The following FIG4 variants were observed in gnomAD, a reference collection of about 807,000 sequenced individuals.
The protein encoded by FIG4 is FIG4 phosphoinositide 5-phosphatase, also known as polyphosphoinositide phosphatase.
Under a neutral mutation model 118.6 loss-of-function variants are expected in FIG4, and 112 were observed. The ratio of observed to expected loss-of-function variants is 0.94; its 90% CI spans 0.81 to 1.11. The LOEUF (loss-of-function observed/expected upper bound fraction) is 1.11, where lower values mean the gene tolerates loss of function less well. FIG4 is among the 50% of genes least tolerant of loss of function. FIG4 has a pLI of 0.00. For missense variants in FIG4, 969 were observed against 1,111.7 expected (o/e 0.87, Z 1.83); for synonymous variants, 369 against 381.2 (o/e 0.97, Z 0.37).
At chr6:109,743,084 A>AT in intron 8 of FIG4, 26 bp from the exon 9 acceptor site, 1 of 1,594,580 alleles carries the variant, frequency 6.3e-7, no homozygotes, top group Non-Finnish European at 8.6e-7. Flanking sequence ...AACATAAAAT[A>AT]TTTTTCAATG....
intron 22 of FIG4, among the ~76,000 whole-genome samples, chr6:109,805,788 G>T (rs1778549007): frequency 6.6e-6 from 1 of 151,766 alleles, no homozygotes; most frequent in Non-Finnish European, 1.5e-5. Flanking sequence ...AAATGTATTA[G>T]TTTTTTTTAC....
At chr6:109,785,547 G>A (rs1392631651) in intron 17 of FIG4, 1 of 360,066 alleles carries the variant, frequency 2.8e-6, no homozygotes, top group East Asian at 7.5e-5. Context: ...AAACCTTCAA[G>A]TGTATAATAC....
chr6:109,803,422 C>T (rs563172284), intron 22 of FIG4, among the ~76,000 whole-genome samples: 3 of 152,222 alleles, frequency 2.0e-5, no homozygotes, highest in South Asian at 4.2e-4. Flanking sequence ...GCTTGGTTGA[C>T]CAGCTATAGT....
chr6:109,738,253 T>C, intron 6 of FIG4, 72 bp from the exon 7 acceptor site: 1 of 1,325,854 alleles, frequency 7.5e-7, no homozygotes, highest in Non-Finnish European at 1.1e-6. Flanking sequence ...ATCTTTCTGA[T>C]ACCAACCTTT....
At chr6:109,817,294 A>G (rs1778887321) in intron 22 of FIG4, among the ~76,000 whole-genome samples, 1 of 152,210 alleles carries the variant, frequency 6.6e-6, no homozygotes, top group Admixed American at 6.5e-5. Flanking sequence ...GTTAGAGCCT[A>G]CAAACAATGC....
At chr6:109,760,009 A>T (rs533632404) in intron 10 of FIG4, among the ~76,000 whole-genome samples, 5 of 152,248 alleles carry the variant, frequency 3.3e-5, no homozygotes, top group South Asian at 4.1e-4. Context: ...GTGCAGGGAG[A>T]GTACCAGGAA....
chr6:109,795,479 TA>T (rs1163222961), intron 21 of FIG4, among the ~76,000 whole-genome samples: 1 of 151,794 alleles, frequency 6.6e-6, no homozygotes. Flanking sequence ...TCTTGACCTT[TA>T]AAAAAGCTAA....
At chr6:109,696,293 T>A (rs1394880846) in intron 1 of FIG4, among the ~76,000 whole-genome samples, 2 of 152,232 alleles carry the variant, frequency 1.3e-5, no homozygotes, top group Admixed American at 1.3e-4. Flanking sequence ...AGACATGTTA[T>A]AGCAAGTTAG....
chr6:109,748,727 C>T (rs1432675191), intron 10 of FIG4, among the ~76,000 whole-genome samples: 1 of 152,048 alleles, frequency 6.6e-6, no homozygotes, highest in Non-Finnish European at 1.5e-5. Flanking sequence ...ACAATCATAT[C>T]GGAAAGCAAA....
chr6:109,791,139 G>A (rs1778123681), intron 19 of FIG4, among the ~76,000 whole-genome samples: 2 of 152,186 alleles, frequency 1.3e-5, no homozygotes, highest in Admixed American at 6.5e-5. Flanking sequence ...TTCACGCTCT[G>A]CAAGTAATTT....
intron 4 of FIG4, among the ~76,000 whole-genome samples, chr6:109,728,475 A>G (rs957477766): frequency 1.1e-4 from 16 of 152,198 alleles, no homozygotes; most frequent in Non-Finnish European, 1.9e-4. Context: ...AGAAATATTT[A>G]TAAGTTTTTA....
chr6:109,762,259 G>A (rs778640377), intron 12 of FIG4, 52 bp downstream of exon 12: 6 of 1,136,032 alleles, frequency 5.3e-6, no homozygotes, highest in African/African-American at 3.1e-5. Context: ...TGCTCTTATG[G>A]GTATTCTAAA....
chr6:109,704,980 A>G (rs766446200), intron 1 of FIG4, among the ~76,000 whole-genome samples: 1 of 152,194 alleles, frequency 6.6e-6, no homozygotes, highest in African/African-American at 2.4e-5. Flanking sequence ...GAAAGCATCT[A>G]TCAGGAGTGG....
At chr6:109,754,659 T>C (rs1164745835) in intron 10 of FIG4, among the ~76,000 whole-genome samples, 1 of 152,174 alleles carries the variant, frequency 6.6e-6, no homozygotes, top group Non-Finnish European at 1.5e-5. Context: ...TCTTCCTGGT[T>C]TAGTCTTGGG....
At chr6:109,737,153 C>T (rs1418247636) in intron 6 of FIG4, among the ~76,000 whole-genome samples, 2 of 152,252 alleles carry the variant, frequency 1.3e-5, no homozygotes, top group East Asian at 3.9e-4. Flanking sequence ...GGTGATTAGC[C>T]TGCATACATC....
chr6:109,706,219 A>C (rs1456262600), intron 1 of FIG4, among the ~76,000 whole-genome samples: 1 of 152,230 alleles, frequency 6.6e-6, no homozygotes, highest in African/African-American at 2.4e-5. Flanking sequence ...ATTTAGGTAG[A>C]AACAAAAGTG....
At chr6:109,738,230 A>G (rs374850861) in intron 6 of FIG4, 95 bp from the exon 7 acceptor site, 12 of 1,042,990 alleles carry the variant, frequency 1.2e-5, no homozygotes, top group African/African-American at 7.9e-5. Context: ...GTTGAATGTC[A>G]GCCAATTTCC....
Position 109,750,945 on chromosome 6 carries a change from AAT to A in FIG4, c.1137+7175_1137+7176del, listed in dbSNP as rs532825701. 1.1e-3 allele frequency among the ~76,000 whole-genome samples: 170 copies of A among 152,326 alleles called. 1 individual carries two copies. The highest frequency in any genetic ancestry group is 2.1e-3 in the Non-Finnish European group (141 of 68,028). On this transcript the variant is annotated intron_variant, in intron 10 of 22. Transcript: ENST00000230124. ...ATAATTTAATTTTCTCCGATATATAAATAAGCAAAATTTATTTTCATCCTAAA... is the reference window on the plus strand; with the variant it reads ...ATAATTTAATTTTCTCCGATATATAAAAGCAAAATTTATTTTCATCCTAAA...
intron 1 of FIG4, among the ~76,000 whole-genome samples, chr6:109,700,571 TG>T: frequency 6.6e-6 from 1 of 152,308 alleles, no homozygotes; most frequent in African/African-American, 2.4e-5. Flanking sequence ...TTTTGGTTGG[TG>T]GGGGTGTATT....
Sources: allele counts gnomAD v4.1 joint callset (sites outside exome capture counted in the v4.1 genomes callset), GRCh38; gene constraint gnomAD v4.1.1; transcripts MANE v1.5; gene names NCBI Gene and HGNC (gene_info 2026-07-23, HGNC 2026-07-21).